The following FAM135B variants were observed in gnomAD, a reference collection of about 807,000 sequenced individuals.
FAM135B encodes the protein family with sequence similarity 135 member B.
Under a neutral mutation model 127.7 loss-of-function variants are expected in FAM135B, and 43 were observed. The ratio of observed to expected loss-of-function variants is 0.34; its 90% CI spans 0.26 to 0.43. The LOEUF (loss-of-function observed/expected upper bound fraction) is 0.43, where lower values mean the gene tolerates loss of function less well. FAM135B is among the 20% of genes least tolerant of loss of function. FAM135B has a pLI of 1.00. For synonymous variants in FAM135B, 670 were observed against 665.1 expected (o/e 1.01, Z -0.11); for missense variants, 1,558 against 1,725.6 (o/e 0.90, Z 1.72).
intron 1 of FAM135B, among the ~76,000 whole-genome samples, chr8:138,466,632 G>A (rs781369210): frequency 3.9e-5 from 6 of 152,118 alleles, no homozygotes; most frequent in Admixed American, 6.6e-5. Flanking sequence ...TAAGAATGAC[G>A]TTGTGTCTTA....
intron 1 of FAM135B, among the ~76,000 whole-genome samples, 162 bp from the exon 2 acceptor site, chr8:138,368,164 G>A (rs1830880276): frequency 6.6e-6 from 1 of 152,176 alleles, no homozygotes; most frequent in African/African-American, 2.4e-5. Context: ...AAAAGACACA[G>A]AGAGACAAAA....
At chr8:138,278,053 G>A (rs570925210) in intron 3 of FAM135B, among the ~76,000 whole-genome samples, 8 of 152,136 alleles carry the variant, frequency 5.3e-5, no homozygotes, top group Non-Finnish European at 8.8e-5. Flanking sequence ...CCCCAGCAAC[G>A]TATAGAGGGC....
At chr8:138,222,379 T>C (rs1819093023) in intron 7 of FAM135B, among the ~76,000 whole-genome samples, 1 of 152,144 alleles carries the variant, frequency 6.6e-6, no homozygotes, top group Admixed American at 6.5e-5. Context: ...TTATTCTATA[T>C]ATGCCCCCTC....
At chr8:138,463,658 C>T (rs534985716) in intron 1 of FAM135B, among the ~76,000 whole-genome samples, 11 of 152,066 alleles carry the variant, frequency 7.2e-5, no homozygotes, top group East Asian at 1.9e-4. Flanking sequence ...TCAGGAGGCG[C>T]GCAATGAGAA....
chr8:138,279,855 A>T (rs1824123937), intron 3 of FAM135B, among the ~76,000 whole-genome samples: 1 of 152,252 alleles, frequency 6.6e-6, no homozygotes, highest in African/African-American at 2.4e-5. Context: ...CTTCCCTGTG[A>T]CCTAGATCAG....
At chr8:138,383,092 A>G (rs947590520) in intron 1 of FAM135B, among the ~76,000 whole-genome samples, 1 of 152,174 alleles carries the variant, frequency 6.6e-6, no homozygotes, top group African/African-American at 2.4e-5. Context: ...TCCCAACCTC[A>G]AAAGTGTCCC....
chr8:138,228,071 AC>A (rs1323206736), intron 7 of FAM135B, among the ~76,000 whole-genome samples: 1 of 152,044 alleles, frequency 6.6e-6, no homozygotes, highest in Non-Finnish European at 1.5e-5. Flanking sequence ...CTGCATTCTG[AC>A]CCTGTCTTGG....
At chr8:138,206,340 C>G (rs1817586708) in intron 7 of FAM135B, among the ~76,000 whole-genome samples, 10 of 142,412 alleles carry the variant, frequency 7.0e-5, no homozygotes, top group African/African-American at 1.3e-4. Flanking sequence ...CCTCCACCTA[C>G]CCACAACTCC....
intron 1 of FAM135B, among the ~76,000 whole-genome samples, chr8:138,444,915 TAAA>T (rs1213029759): frequency 6.6e-6 from 1 of 151,512 alleles, no homozygotes; most frequent in African/African-American, 2.4e-5. Context: ...GCAAGACTAA[TAAA>T]GAAGAAAAGA....
chr8:138,151,226 C>G lies in FAM135B; in HGVS notation c.3249G>C (p.Thr1083=), dbSNP rs372423692. 7.7e-6 allele frequency: 12 copies of G among 1,552,484 alleles called. No individual in the cohort carries two copies. The highest frequency in any genetic ancestry group is 1.0e-5 in the Non-Finnish European group (12 of 1,149,528). ...SFGVVSTHSS[T]LDEEVSERMF... ...TCCTCTCACTGACTTCCTCATCCAA[C>G]GTGCTGGAATGGGTAGAAACAACTC... is the stretch of plus-strand genomic sequence containing the variant. Residue 1083 remains threonine, a synonymous_variant, in exon 13 of 20, where the codon ACG becomes ACC. Transcript: ENST00000395297.
At chr8:138,334,035 G>T (rs2131010054) in intron 2 of FAM135B, among the ~76,000 whole-genome samples, 1 of 152,282 alleles carries the variant, frequency 6.6e-6, no homozygotes, top group Non-Finnish European at 1.5e-5. Context: ...TGATTCTTCT[G>T]CCTCAGCCTC....
chr8:138,344,327 A>G (rs1041764344), intron 2 of FAM135B, among the ~76,000 whole-genome samples: 3 of 152,140 alleles, frequency 2.0e-5, no homozygotes, highest in African/African-American at 4.8e-5. Flanking sequence ...CCAACAGAGA[A>G]TCACAGCCCA....
chr8:138,203,834 T>G (rs1376044842), intron 7 of FAM135B, among the ~76,000 whole-genome samples: 1 of 152,072 alleles, frequency 6.6e-6, no homozygotes, highest in African/African-American at 2.4e-5. Context: ...CCTGAGCTTG[T>G]TTTTCTGGAA....
chr8:138,430,969 C>G (rs1186310159), intron 1 of FAM135B, among the ~76,000 whole-genome samples: 1 of 152,066 alleles, frequency 6.6e-6, no homozygotes. Context: ...ATAAAATGAG[C>G]TTAATATCAT....
At position 138,299,104 on chromosome 8, in the gene FAM135B, T is replaced by TAAATA. The variant is rs200005517; in HGVS notation, c.157+11732_157+11736dup. On this transcript the variant is annotated intron_variant, in intron 3 of 19. Coordinates refer to ENST00000395297, the MANE Select transcript of FAM135B (RefSeq NM_015912.4). ...ATAAATAAATAAATAAATAAATAAA[T>TAAATA]AAATAAAATAAAAATAAAAAATAAA... 8.1e-3 allele frequency among the ~76,000 whole-genome samples: 1,158 copies of TAAATA among 143,724 alleles called. 39 individuals carry two copies. The highest frequency in any genetic ancestry group is 0.052 in the Admixed American group (754 of 14,436). The allele number at this position is 143,724 out of a possible 152,430, so 94.3% of individuals were successfully genotyped here. A position where few individuals can be genotyped will look rare whatever the true frequency, so the allele number is the denominator to read the frequency against.
At chr8:138,328,594 C>T (rs560778951) in intron 2 of FAM135B, among the ~76,000 whole-genome samples, 13 of 152,126 alleles carry the variant, frequency 8.5e-5, no homozygotes, top group Non-Finnish European at 1.3e-4. Flanking sequence ...GAAGTGCAAA[C>T]AGACATTTCC....
intron 3 of FAM135B, among the ~76,000 whole-genome samples, chr8:138,290,382 G>A (rs1305568718): frequency 1.3e-5 from 2 of 152,194 alleles, no homozygotes; most frequent in African/African-American, 2.4e-5. Flanking sequence ...TCCCTTTAGA[G>A]CAGTGAATGC....
intron 7 of FAM135B, among the ~76,000 whole-genome samples, chr8:138,240,188 A>C (rs908893955): frequency 9.2e-5 from 14 of 152,224 alleles, no homozygotes; most frequent in African/African-American, 1.4e-4. Context: ...AGAGTGAATG[A>C]GTTCCCCCAA....
intron 9 of FAM135B, among the ~76,000 whole-genome samples, chr8:138,187,524 T>C (rs1382547371): frequency 6.6e-6 from 1 of 152,198 alleles, no homozygotes; most frequent in Non-Finnish European, 1.5e-5. Context: ...CCCATCTTTC[T>C]GTAACCTTAA....
Sources: allele counts gnomAD v4.1 joint callset (sites outside exome capture counted in the v4.1 genomes callset), GRCh38; gene constraint gnomAD v4.1.1; transcripts MANE v1.5; gene names NCBI Gene and HGNC (gene_info 2026-07-23, HGNC 2026-07-21).